CSMD1: variants seen among roughly 807,000 people sequenced by gnomAD.
CSMD1 encodes CUB and Sushi multiple domains 1.
Under a neutral mutation model 417.5 loss-of-function variants are expected in CSMD1, and 213 were observed. That is an observed-to-expected ratio of 0.51 (90% CI 0.46 to 0.57). The LOEUF (loss-of-function observed/expected upper bound fraction) is 0.57. Among genes scored for constraint, CSMD1 ranks in the 20% least tolerant of loss-of-function variants. The probability of loss-of-function intolerance (pLI) is 0.00; values close to 1 mark genes in which losing one functional copy is unlikely to be tolerated. For missense variants in CSMD1, 6,923 were observed against 4,529.7 expected, an observed-to-expected ratio of 1.53 and a Z score of -15.17; for synonymous variants, 2,862 against 1,736.8, an observed-to-expected ratio of 1.65 and a Z score of -16.11.
intron 10 of CSMD1, among the ~76,000 whole-genome samples, chr8:3,546,216 G>C (rs879456268): frequency 6.6e-6 from 1 of 152,014 alleles, no homozygotes; most frequent in Non-Finnish European, 1.5e-5. Flanking sequence ...ATTGTGTAAG[G>C]TTCTATGCAG....
intron 2 of CSMD1, among the ~76,000 whole-genome samples, chr8:4,565,880 G>A (rs1271300754): frequency 6.7e-6 from 1 of 148,868 alleles, no homozygotes; most frequent in Non-Finnish European, 1.5e-5. Context: ...TCTGTTGAAA[G>A]AAATATTAAA....
intron 49 of CSMD1, among the ~76,000 whole-genome samples, chr8:3,076,867 G>C (rs1392894029): frequency 6.6e-6 from 1 of 152,102 alleles, no homozygotes; most frequent in Non-Finnish European, 1.5e-5. Context: ...TGATTTTTTA[G>C]ATTGAGGGTA....
intron 2 of CSMD1, among the ~76,000 whole-genome samples, chr8:4,458,785 GA>G (rs1799637773): frequency 6.6e-6 from 1 of 151,876 alleles, no homozygotes; most frequent in Non-Finnish European, 1.5e-5. Context: ...TAACGGTTAG[GA>G]ATATTTAATT....
intron 1 of CSMD1, among the ~76,000 whole-genome samples, chr8:4,854,430 C>G (rs1358274505): frequency 6.6e-6 from 1 of 152,166 alleles, no homozygotes; most frequent in Non-Finnish European, 1.5e-5. Flanking sequence ...CGAATAGGAA[C>G]AGCTCCGGTC....
At chr8:3,980,650 A>C (rs1227837661) in intron 5 of CSMD1, among the ~76,000 whole-genome samples, 1 of 152,202 alleles carries the variant, frequency 6.6e-6, no homozygotes, top group Non-Finnish European at 1.5e-5. Context: ...TTTCTGTATC[A>C]AATGAAAATA....
intron 21 of CSMD1, among the ~76,000 whole-genome samples, chr8:3,348,609 G>T (rs540738678): frequency 6.6e-6 from 1 of 152,156 alleles, no homozygotes; most frequent in East Asian, 1.9e-4. Context: ...GCATCAACTG[G>T]GACGCATTCA....
intron 3 of CSMD1, among the ~76,000 whole-genome samples, chr8:4,076,039 G>C (rs1051542115): frequency 2.0e-5 from 3 of 152,248 alleles, no homozygotes; most frequent in South Asian, 4.1e-4. Flanking sequence ...ATTATGGAAA[G>C]ATAAGTGATA....
chr8:4,623,489 C>G (rs760305960), intron 2 of CSMD1, among the ~76,000 whole-genome samples: 4 of 151,942 alleles, frequency 2.6e-5, no homozygotes, highest in African/African-American at 9.7e-5. Context: ...TGTTTGACCA[C>G]AGTAATTAAA....
chr8:4,699,809 G>A (rs1186411455), intron 1 of CSMD1, among the ~76,000 whole-genome samples: 1 of 152,214 alleles, frequency 6.6e-6, no homozygotes, highest in Non-Finnish European at 1.5e-5. Context: ...CCTAAAGAAT[G>A]AACAGGTCTT....
intron 11 of CSMD1, among the ~76,000 whole-genome samples, chr8:3,472,750 A>G (rs1817177538): frequency 6.6e-6 from 1 of 152,240 alleles, no homozygotes; most frequent in South Asian, 2.1e-4. Flanking sequence ...TGTTCTCAGC[A>G]GATAACTTTA....
At chr8:3,446,980 T>G (rs1198630708) in intron 12 of CSMD1, among the ~76,000 whole-genome samples, 1 of 152,142 alleles carries the variant, frequency 6.6e-6, no homozygotes, top group South Asian at 2.1e-4. Flanking sequence ...AACAAAGGAG[T>G]TGAAGATGTA....
At chr8:3,539,699 C>T (rs1337320416) in intron 10 of CSMD1, among the ~76,000 whole-genome samples, 1 of 149,216 alleles carries the variant, frequency 6.7e-6, no homozygotes, top group Non-Finnish European at 1.5e-5. Context: ...TGTGGGATAA[C>T]AGTGTTTAAA....
intron 5 of CSMD1, among the ~76,000 whole-genome samples, chr8:3,840,010 T>C (rs188937602): frequency 1.3e-5 from 2 of 152,298 alleles, no homozygotes; most frequent in African/African-American, 2.4e-5. Flanking sequence ...ATGTCAAAGC[T>C]AAGCTCCTAA....
intron 25 of CSMD1, among the ~76,000 whole-genome samples, chr8:3,303,463 A>ACAACCTTGATACCT (rs1402216322): frequency 2.6e-5 from 4 of 152,210 alleles, no homozygotes; most frequent in African/African-American, 9.6e-5. Context: ...AATGCTTTTG[A>ACAACCTTGATACCT]CAACCTTGAT....
intron 11 of CSMD1, among the ~76,000 whole-genome samples, chr8:3,483,420 C>G (rs1474133037): frequency 6.6e-5 from 10 of 151,808 alleles, no homozygotes; most frequent in African/African-American, 9.7e-5. Flanking sequence ...TATTAACTAC[C>G]AAAACTCAAC....
chr8:4,526,238 G>C (rs1391553540), intron 2 of CSMD1, among the ~76,000 whole-genome samples: 2 of 152,178 alleles, frequency 1.3e-5, no homozygotes, highest in East Asian at 1.9e-4. Flanking sequence ...TATAATACTA[G>C]ACAAGAGATT....
intron 5 of CSMD1, among the ~76,000 whole-genome samples, chr8:3,859,271 T>C (rs1292185160): frequency 6.6e-6 from 1 of 152,220 alleles, no homozygotes; most frequent in Admixed American, 6.5e-5. Flanking sequence ...CTGGTGAGTC[T>C]TTCTAGTTTT....
intron 60 of CSMD1, 108 bp from the exon 61 acceptor site, chr8:2,962,747 C>G: frequency 8.3e-7 from 1 of 1,199,276 alleles, no homozygotes; most frequent in Non-Finnish European, 1.1e-6. Context: ...AACTATTAAA[C>G]AAGAAAAACG....
intron 8 of CSMD1, among the ~76,000 whole-genome samples, chr8:3,597,096 A>G (rs1767253940): frequency 1.3e-5 from 2 of 152,176 alleles, no homozygotes; most frequent in Non-Finnish European, 2.9e-5. Context: ...CGCTGGCTGC[A>G]CTGAGCCTGC....
Sources: allele counts gnomAD v4.1 joint callset (sites outside exome capture counted in the v4.1 genomes callset), GRCh38; gene constraint gnomAD v4.1.1; transcripts MANE v1.5; gene names NCBI Gene and HGNC (gene_info 2026-07-23, HGNC 2026-07-21).